The following ZBTB7C variants were observed in gnomAD, a reference collection of about 807,000 sequenced individuals.
The protein encoded by ZBTB7C is zinc finger and BTB domain-containing protein 7C.
In ZBTB7C, 8 loss-of-function variants were observed where a neutral mutation model predicts 25.7. The ratio of observed to expected loss-of-function variants is 0.31; its 90% CI spans 0.18 to 0.56. ZBTB7C has a LOEUF of 0.56. Ranked by LOEUF, ZBTB7C falls within the 20% of genes least tolerant of loss-of-function variation. The pLI, the probability that ZBTB7C is intolerant of heterozygous loss-of-function variation, is 0.91. For missense variants in ZBTB7C, 824 were observed against 855.2 expected, an observed-to-expected ratio of 0.96 and a Z score of 0.46; for synonymous variants, 394 against 369.0, an observed-to-expected ratio of 1.07 and a Z score of -0.78.
chr18:48,075,390 C>A (rs2037723390), intron 3 of ZBTB7C, among the ~76,000 whole-genome samples: 1 of 152,172 alleles, frequency 6.6e-6, no homozygotes, highest in Admixed American at 6.5e-5. Flanking sequence ...AGCCCAGTGC[C>A]CAATAAGGAG....
chr18:48,113,695 A>G (rs1293052252), intron 3 of ZBTB7C, among the ~76,000 whole-genome samples: 1 of 152,250 alleles, frequency 6.6e-6, no homozygotes, highest in Non-Finnish European at 1.5e-5. Context: ...CCTCAGGCTG[A>G]GCCCTCCACA....
At position 48,031,317 on chromosome 18, in the gene ZBTB7C, C is replaced by T. The variant is rs550582272; in HGVS notation, c.1209-1406G>A. ...AGAGAGGACAGATCCAGTCCTCCCACCTGTGCTCACAGGAAGGCTGGAGAG... is the reference window on the plus strand; with the variant it reads ...AGAGAGGACAGATCCAGTCCTCCCATCTGTGCTCACAGGAAGGCTGGAGAG... On this transcript the variant is annotated intron_variant, in intron 4 of 4. Transcript: ENST00000590800. Among the ~76,000 whole-genome samples the T allele has an allele frequency of 1.6e-4, 25 of 152,286 alleles. No individual in the cohort carries two copies. The South Asian group carries it at 5.2e-3, about 32-fold the overall frequency.
At chr18:48,177,117 G>A (rs751175637) in intron 3 of ZBTB7C, among the ~76,000 whole-genome samples, 1 of 152,252 alleles carries the variant, frequency 6.6e-6, no homozygotes, top group Non-Finnish European at 1.5e-5. Context: ...AGGGCACAGA[G>A]CTGAGAGCTG....
intron 2 of ZBTB7C, among the ~76,000 whole-genome samples, chr18:48,325,676 A>C (rs576357011): frequency 6.6e-6 from 1 of 152,314 alleles, no homozygotes; most frequent in East Asian, 1.9e-4. Flanking sequence ...TTTTGATTTG[A>C]TATCCAAGGC....
chr18:48,214,518 A>T (rs1266546798), intron 2 of ZBTB7C, among the ~76,000 whole-genome samples: 1 of 152,254 alleles, frequency 6.6e-6, no homozygotes, highest in Non-Finnish European at 1.5e-5. Flanking sequence ...TGCAGTAAAG[A>T]AGCTGGTTAA....
At chr18:48,081,630 C>G (rs995309825) in intron 3 of ZBTB7C, among the ~76,000 whole-genome samples, 1 of 152,038 alleles carries the variant, frequency 6.6e-6, no homozygotes, top group East Asian at 1.9e-4. Context: ...TTTCTCCCTT[C>G]TTTTCCTTCA....
intron 2 of ZBTB7C, among the ~76,000 whole-genome samples, chr18:48,220,387 C>T (rs1004255221): frequency 3.9e-5 from 6 of 152,250 alleles, no homozygotes; most frequent in African/African-American, 1.4e-4. Context: ...AAGGCTCAAA[C>T]AGCAAGCAGG....
chr18:48,130,435 C>A (rs11082654), intron 3 of ZBTB7C, among the ~76,000 whole-genome samples: 25,157 of 152,126 alleles, frequency 0.17, 2,203 homozygotes, highest in South Asian at 0.27. Flanking sequence ...CACAGTTGTG[C>A]ACACAGCTAG....
At chr18:48,126,906 G>T (rs1486226220) in intron 3 of ZBTB7C, among the ~76,000 whole-genome samples, 1 of 152,158 alleles carries the variant, frequency 6.6e-6, no homozygotes, top group East Asian at 1.9e-4. Context: ...CAGGGAAGAA[G>T]GGGGAGCAAA....
At chr18:48,386,654 T>C (rs943927080) in intron 1 of ZBTB7C, among the ~76,000 whole-genome samples, 1 of 152,212 alleles carries the variant, frequency 6.6e-6, no homozygotes, top group Non-Finnish European at 1.5e-5. Context: ...GCTGGGAGAA[T>C]GCAATTGGTT....
intron 3 of ZBTB7C, among the ~76,000 whole-genome samples, chr18:48,093,984 G>A (rs972203478): frequency 9.8e-5 from 15 of 152,292 alleles, no homozygotes; most frequent in South Asian, 2.1e-4. Context: ...GCGTGAACCC[G>A]GGAGGCGGAG....
chr18:48,135,633 G>A (rs750125234), intron 3 of ZBTB7C, among the ~76,000 whole-genome samples: 1 of 152,124 alleles, frequency 6.6e-6, no homozygotes, highest in Non-Finnish European at 1.5e-5. Context: ...CCCAGCGGGG[G>A]TTCCTGAGCC....
intron 1 of ZBTB7C, among the ~76,000 whole-genome samples, chr18:48,400,191 TATAA>T (rs2048125388): frequency 1.3e-5 from 2 of 152,230 alleles, no homozygotes; most frequent in African/African-American, 4.8e-5. Flanking sequence ...AGACCTACTG[TATAA>T]ATGGTCCAGA....
intron 3 of ZBTB7C, among the ~76,000 whole-genome samples, chr18:48,091,433 T>C (rs997393065): frequency 4.6e-5 from 7 of 152,208 alleles, no homozygotes; most frequent in Non-Finnish European, 1.0e-4. Flanking sequence ...ATGTTCTTTT[T>C]TAAACTAAGT....
intron 3 of ZBTB7C, among the ~76,000 whole-genome samples, chr18:48,084,528 C>A (rs377529463): frequency 6.6e-6 from 1 of 152,196 alleles, no homozygotes; most frequent in African/African-American, 2.4e-5. Flanking sequence ...TTTTCTGGGG[C>A]ATCCAGCATG....
intron 3 of ZBTB7C, among the ~76,000 whole-genome samples, chr18:48,099,102 T>C (rs7229039): frequency 0.59 from 89,358 of 152,126 alleles, 26,575 homozygotes; most frequent in South Asian, 0.69. Context: ...TTCTAAGTAT[T>C]ACACTATTAC....
intron 3 of ZBTB7C, among the ~76,000 whole-genome samples, chr18:48,174,679 C>G (rs577678042): frequency 1.3e-5 from 2 of 152,284 alleles, no homozygotes; most frequent in African/African-American, 2.4e-5. Context: ...CACATACACA[C>G]GATGGAGTAT....
At chr18:48,195,881 G>C (rs2042307524) in intron 2 of ZBTB7C, among the ~76,000 whole-genome samples, 4 of 150,400 alleles carry the variant, frequency 2.7e-5, no homozygotes, top group Admixed American at 6.6e-5. Context: ...CTTTTTTTTT[G>C]CAACAGTATT....
intron 1 of ZBTB7C, among the ~76,000 whole-genome samples, chr18:48,377,278 G>T (rs1374721371): frequency 6.6e-6 from 1 of 152,246 alleles, no homozygotes; most frequent in Non-Finnish European, 1.5e-5. Context: ...AGATGAACAA[G>T]AGGTAGCCCC....
Sources: allele counts gnomAD v4.1 joint callset (sites outside exome capture counted in the v4.1 genomes callset), GRCh38; gene constraint gnomAD v4.1.1; transcripts MANE v1.5; gene names NCBI Gene and HGNC (gene_info 2026-07-23, HGNC 2026-07-21).